Variants in VANGL1 observed in about 807,000 individuals in gnomAD.
VANGL1 encodes vang-like protein 1.
A neutral mutation model predicts 48.4 loss-of-function variants in VANGL1; 18 were observed. The ratio of observed to expected loss-of-function variants is 0.37; its 90% CI spans 0.26 to 0.55. VANGL1 has a LOEUF of 0.55. Among genes scored for constraint, VANGL1 ranks in the 20% least tolerant of loss-of-function variants. The probability of loss-of-function intolerance (pLI) is 0.81; values close to 1 mark genes in which losing one functional copy is unlikely to be tolerated. For synonymous variants in VANGL1, 257 were observed against 261.8 expected (o/e 0.98, Z 0.18); for missense variants, 667 against 675.8 (o/e 0.99, Z 0.14).
intron 4 of VANGL1, among the ~76,000 whole-genome samples, chr1:115,665,357 G>A (rs1262575446): frequency 1.3e-5 from 2 of 152,244 alleles, no homozygotes; most frequent in African/African-American, 4.8e-5. Context: ...ATGCTGATGT[G>A]TGTAGCCTGC....
rs1388315826 is a variant in VANGL1, at chr1:115,651,282, G to A, written c.-132G>A. 1 of 717,750 alleles carries A rather than the reference G, an allele frequency of 1.4e-6. No homozygotes were observed. Among genetic ancestry groups the A allele is most frequent in the Non-Finnish European group, 2.4e-6 (1 of 417,620 alleles). 44.5% of individuals were successfully genotyped at this position (717,750 alleles called of 1,614,324 possible). A position where few individuals can be genotyped will look rare whatever the true frequency, so the allele number is the denominator to read the frequency against. Reference sequence around the variant, plus strand: ...TTTTTCCCCCTCTTTCCCAGAATTTGTTCCTGTTGAAGAGTGGCTCCTCTT... The same window carrying A: ...TTTTTCCCCCTCTTTCCCAGAATTTATTCCTGTTGAAGAGTGGCTCCTCTT... On this transcript the variant is annotated 5_prime_UTR_variant, in exon 2 of 8. Coordinates refer to ENST00000355485, the MANE Select transcript of VANGL1 (RefSeq NM_138959.3).
At chr1:115,643,666 A>G (rs981133035) in intron 1 of VANGL1, among the ~76,000 whole-genome samples, 1 of 152,174 alleles carries the variant, frequency 6.6e-6, no homozygotes, top group African/African-American at 2.4e-5. Flanking sequence ...TGAGAGTGAT[A>G]TATTTGTAAG....
chr1:115,677,773 C>G (rs1437810512), intron 4 of VANGL1, among the ~76,000 whole-genome samples: 2 of 152,148 alleles, frequency 1.3e-5, no homozygotes, highest in Non-Finnish European at 2.9e-5. Context: ...TTCAGGCTCC[C>G]CCTGATGGTA....
intron 3 of VANGL1, 111 bp downstream of exon 3, chr1:115,659,884 A>G: frequency 1.4e-6 from 2 of 1,463,826 alleles, no homozygotes; most frequent in South Asian, 2.3e-5. Flanking sequence ...CTAGCATGCT[A>G]ATTAGTTTAT....
rs1342316902 is a variant in VANGL1, at chr1:115,685,382, C to T, written c.1169C>T (p.Pro390Leu). ...QQKAPGEVMDPREAAQAIFPS... is the reference protein window; with the variant it reads ...QQKAPGEVMDLREAAQAIFPS... ...AAAGCCCCAGGGGAGGTGATGGACC[C>T]TAGGGAGGCCGCCCAGGCCATTTTC... The change falls in exon 7 of 8, where the codon CCT becomes CTT. Residue 390 changes from proline (P) to leucine (L), a missense_variant. By Grantham distance (98) the Pro-to-Leu change is moderately conservative. Coordinates refer to ENST00000355485, the MANE Select transcript of VANGL1 (RefSeq NM_138959.3). 1 of 1,613,910 alleles carries T rather than the reference C, an allele frequency of 6.2e-7. No homozygotes were observed. The highest frequency in any genetic ancestry group is 1.7e-5 in the Admixed American group (1 of 59,994).
At position 115,663,802 on chromosome 1, in the gene VANGL1, G is replaced by A. The variant is rs4839469; in HGVS notation, c.346G>A (p.Ala116Thr). The A allele has an allele frequency of 0.15, 236,718 of 1,614,090 alleles. 18,427 individuals carry two copies. The highest frequency in any genetic ancestry group is 0.25 in the Admixed American group (15,019 of 60,020). The change falls in exon 4 of 8, where the codon GCC becomes ACC. Residue 116 changes from alanine to threonine, a missense_variant. Transcript: ENST00000355485. ...CAAACGCTACCTGGGCCTCACCGTCGCCTCTTTTCTTGGACTTCTAGTTTT... is the reference window on the plus strand; with the variant it reads ...CAAACGCTACCTGGGCCTCACCGTCACCTCTTTTCTTGGACTTCTAGTTTT... ...DCKRYLGLTV[A>T]SFLGLLVFLT...
At position 115,696,459 on chromosome 1, in the gene VANGL1, A is replaced by G. The variant is rs1654033102; in HGVS notation, c.*5080A>G. The G allele has an allele frequency of 6.6e-6, 1 of 152,190 alleles. No homozygotes were observed. The highest frequency in any genetic ancestry group is 1.5e-5 in the Non-Finnish European group (1 of 68,042). The allele number at this position is 152,190 out of a possible 1,614,324, so 9.4% of individuals were successfully genotyped here. On this transcript the variant is annotated 3_prime_UTR_variant, in exon 8 of 8. Transcript: ENST00000355485. ...ACCATTTTTCTCTGTTCCCATATGT[A>G]GTAAGTTTTGATTCAGTTGTGCATA... is the stretch of plus-strand genomic sequence containing the variant.
intron 2 of VANGL1, 141 bp downstream of exon 2, chr1:115,651,625 A>C: frequency 1.4e-6 from 1 of 731,156 alleles, no homozygotes. Context: ...AAGAGCATTT[A>C]ACATTCTTGG....
intron 4 of VANGL1, among the ~76,000 whole-genome samples, chr1:115,668,390 T>A (rs1652866888): frequency 6.6e-6 from 1 of 152,246 alleles, no homozygotes; most frequent in Non-Finnish European, 1.5e-5. Context: ...CAAGATGGCT[T>A]GCACTCTGAG....
chr1:115,670,503 T>C (rs1652938743), intron 4 of VANGL1, among the ~76,000 whole-genome samples: 1 of 152,258 alleles, frequency 6.6e-6, no homozygotes, highest in African/African-American at 2.4e-5. Flanking sequence ...ATGTTAAAGT[T>C]ACTCCAGTAA....
intron 2 of VANGL1, among the ~76,000 whole-genome samples, chr1:115,653,913 A>T (rs1238813995): frequency 1.3e-5 from 2 of 152,152 alleles, no homozygotes; most frequent in Non-Finnish European, 2.9e-5. Context: ...TTTAAAAAAC[A>T]CCACTACCAC....
At chr1:115,675,816 C>A (rs904147135) in intron 4 of VANGL1, among the ~76,000 whole-genome samples, 4 of 152,028 alleles carry the variant, frequency 2.6e-5, no homozygotes, top group Admixed American at 2.0e-4. Context: ...TTAAAAAAAA[C>A]AATTGGTATA....
chr1:115,654,051 G>A (rs1308220402), intron 2 of VANGL1, among the ~76,000 whole-genome samples: 1 of 152,130 alleles, frequency 6.6e-6, no homozygotes, highest in African/African-American at 2.4e-5. Context: ...TAAGCAGTAG[G>A]GTTGCCCCCC....
chr1:115,674,732 GGACTTGT>G (rs1369582262), intron 4 of VANGL1, among the ~76,000 whole-genome samples: 1 of 152,190 alleles, frequency 6.6e-6, no homozygotes, highest in East Asian at 1.9e-4. Context: ...AACTTGAAAA[GGACTTGT>G]CCATGGGGGA....
At chr1:115,646,017 A>G (rs573603411) in intron 1 of VANGL1, among the ~76,000 whole-genome samples, 64 of 144,016 alleles carry the variant, frequency 4.4e-4, no homozygotes, top group South Asian at 3.8e-3. Flanking sequence ...TATGTTTACC[A>G]CTGTCATTAT....
At position 115,663,948 on chromosome 1, in the gene VANGL1, C is replaced by T. The variant is rs372165510; in HGVS notation, c.492C>T (p.Leu164=). 1.2e-6 allele frequency: 2 copies of T among 1,614,140 alleles called. No homozygotes were observed. The highest frequency in any genetic ancestry group is 1.1e-5 in the South Asian group (1 of 91,086). ...ISMAFKLLIL[L]IGTWALFFRK... Reference sequence around the variant, plus strand: ...TGGCATTCAAACTCCTCATTCTGCTCATAGGGACCTGGGCACTTTTTTTCC... The same window carrying T: ...TGGCATTCAAACTCCTCATTCTGCTTATAGGGACCTGGGCACTTTTTTTCC... Residue 164 remains leucine (L), a synonymous_variant, in exon 4 of 8, where the codon CTC becomes CTT. Transcript: ENST00000355485.
intron 2 of VANGL1, among the ~76,000 whole-genome samples, chr1:115,653,617 C>T (rs971383413): frequency 6.6e-6 from 1 of 152,126 alleles, no homozygotes; most frequent in African/African-American, 2.4e-5. Context: ...TTTCACGCTT[C>T]GGGGCCCATT....
At chr1:115,673,594 C>CTTTTTTTT (rs960453479) in intron 4 of VANGL1, among the ~76,000 whole-genome samples, 2 of 108,586 alleles carry the variant, frequency 1.8e-5, no homozygotes, top group African/African-American at 4.1e-5. Context: ...TGTATGTCCT[C>CTTTTTTTT]TTTTTTTTTT....
At chr1:115,675,001 T>C (rs1024193615) in intron 4 of VANGL1, among the ~76,000 whole-genome samples, 2 of 152,158 alleles carry the variant, frequency 1.3e-5, no homozygotes, top group Admixed American at 1.3e-4. Context: ...TTCCTTTAGC[T>C]ATAAAATAAG....
Sources: allele counts gnomAD v4.1 joint callset (sites outside exome capture counted in the v4.1 genomes callset), GRCh38; gene constraint gnomAD v4.1.1; transcripts MANE v1.5; gene names NCBI Gene and HGNC (gene_info 2026-07-23, HGNC 2026-07-21).